Variants in CHRM3 observed in about 807,000 individuals in gnomAD.
CHRM3 encodes cholinergic receptor muscarinic 3, also known as muscarinic acetylcholine receptor M3.
CHRM3 carries 11 observed loss-of-function variants against 41.8 expected under a neutral mutation model. The ratio of observed to expected loss-of-function variants is 0.26; its 90% CI spans 0.17 to 0.44. The LOEUF (loss-of-function observed/expected upper bound fraction) is 0.44. Ranked by LOEUF, CHRM3 falls within the 20% of genes least tolerant of loss-of-function variation. CHRM3 has a pLI of 1.00. For missense variants in CHRM3, 571 were observed against 745.4 expected (o/e 0.77, Z 2.72); for synonymous variants, 297 against 301.4 (o/e 0.99, Z 0.15).
At chr1:239,493,334 G>A (rs562263596) in intron 2 of CHRM3, among the ~76,000 whole-genome samples, 1 of 152,264 alleles carries the variant, frequency 6.6e-6, no homozygotes, top group East Asian at 1.9e-4. Context: ...GAAGAACTGT[G>A]TGTTTTGTTG....
At chr1:239,671,826 C>T (rs1674399861) in intron 4 of CHRM3, among the ~76,000 whole-genome samples, 2 of 152,000 alleles carry the variant, frequency 1.3e-5, no homozygotes, top group African/African-American at 2.4e-5. Context: ...AAACTCAAGT[C>T]AGAATGTATG....
chr1:239,760,221 G>A (rs911122785), intron 5 of CHRM3, among the ~76,000 whole-genome samples: 5 of 151,730 alleles, frequency 3.3e-5, no homozygotes, highest in South Asian at 2.1e-4. Flanking sequence ...CACCGTGCCC[G>A]GCCAATACTT....
Position 239,433,928 on chromosome 1 carries a change from G to A in CHRM3, c.-521+46701G>A, listed in dbSNP as rs1344575857. 7.2e-5 allele frequency among the ~76,000 whole-genome samples: 11 copies of A among 152,246 alleles called. No individual in the cohort carries two copies. In the East Asian group the frequency reaches 2.1e-3, roughly 29 times the overall value. ...GGATTTTGCTGCTATAAACATGCAT[G>A]TCCAGGTATCTTTTTCATATAGTGA... On this transcript the variant is annotated intron_variant, in intron 1 of 6. Transcript: ENST00000676153.
chr1:239,678,367 A>G (rs1279258323), intron 5 of CHRM3, 79 bp downstream of exon 5: 1 of 152,194 alleles, frequency 6.6e-6, no homozygotes, highest in Non-Finnish European at 1.5e-5. Context: ...GTGGATTGCT[A>G]AGAATGGAAT....
At chr1:239,429,833 AG>A (rs1379825916) in intron 1 of CHRM3, among the ~76,000 whole-genome samples, 7 of 149,124 alleles carry the variant, frequency 4.7e-5, no homozygotes, top group African/African-American at 1.7e-4. Context: ...AATTCATTTA[AG>A]TTTTCTTAAA....
chr1:239,615,071 C>T (rs1235411612), intron 3 of CHRM3, among the ~76,000 whole-genome samples: 1 of 151,884 alleles, frequency 6.6e-6, no homozygotes, highest in Non-Finnish European at 1.5e-5. Context: ...GGGCAGATAC[C>T]CTGAAGAAAA....
chr1:239,397,823 C>T (rs1489547314), intron 1 of CHRM3, among the ~76,000 whole-genome samples: 1 of 149,854 alleles, frequency 6.7e-6, no homozygotes, highest in Non-Finnish European at 1.5e-5. Context: ...AATAAAACTA[C>T]AATTTAGGAA....
chr1:239,454,298 C>A (rs555535240), intron 1 of CHRM3, among the ~76,000 whole-genome samples: 2 of 152,072 alleles, frequency 1.3e-5, no homozygotes, highest in Non-Finnish European at 2.9e-5. Flanking sequence ...GCTCATTGGA[C>A]TCCTGGAAGT....
chr1:239,528,275 A>G (rs1007535125), intron 2 of CHRM3, among the ~76,000 whole-genome samples: 5 of 152,194 alleles, frequency 3.3e-5, no homozygotes, highest in Non-Finnish European at 5.9e-5. Flanking sequence ...TGCAGCACCA[A>G]TTCCTGCTGT....
chr1:239,504,248 G>A (rs889768141), intron 2 of CHRM3, among the ~76,000 whole-genome samples: 1 of 152,088 alleles, frequency 6.6e-6, no homozygotes, highest in South Asian at 2.1e-4. Context: ...CATAAAAAAG[G>A]GGGCTGAGGA....
At chr1:239,624,690 AG>A (rs1266179981) in intron 3 of CHRM3, among the ~76,000 whole-genome samples, 1 of 126,578 alleles carries the variant, frequency 7.9e-6, no homozygotes, top group African/African-American at 3.2e-5. Context: ...GGTGTAAGGA[AG>A]GGATCCAGTT....
chr1:239,913,841 C>T lies in CHRM3; in HGVS notation c.*4617C>T, dbSNP rs905829598. On this transcript the variant is annotated 3_prime_UTR_variant, in exon 7 of 7. Coordinates refer to ENST00000676153, the MANE Select transcript of CHRM3 (RefSeq NM_001375978.1). ...TCACGTTCACAGCTTCGCGCAGAGA[C>T]GGATAGTGTATTTGGATATATGGAA... The T allele has an allele frequency of 1.8e-5, 3 of 167,136 alleles. No individual in the cohort carries two copies. Among genetic ancestry groups the T allele is most frequent in the East Asian group, 1.9e-4 (1 of 5,190 alleles). 10.4% of individuals were successfully genotyped at this position (167,136 alleles called of 1,614,324 possible). A position where few individuals can be genotyped will look rare whatever the true frequency, so the allele number is the denominator to read the frequency against.
At chr1:239,591,414 G>C (rs1664136061) in intron 3 of CHRM3, among the ~76,000 whole-genome samples, 1 of 152,044 alleles carries the variant, frequency 6.6e-6, no homozygotes, top group African/African-American at 2.4e-5. Context: ...TCATTGTCTT[G>C]CCTATAGCTG....
intron 6 of CHRM3, among the ~76,000 whole-genome samples, chr1:239,828,578 G>A (rs1432777329): frequency 6.6e-6 from 1 of 152,126 alleles, no homozygotes; most frequent in Non-Finnish European, 1.5e-5. Context: ...GAAGGGACCA[G>A]GTCAATGAAG....
In CHRM3 at chr1:239,908,130, A is replaced by G. The variant is rs1237724077; in HGVS notation, c.679A>G (p.Ser227Gly). 3 of 1,614,036 alleles carry G rather than the reference A, an allele frequency of 1.9e-6. No individual in the cohort carries two copies. Among genetic ancestry groups the G allele is most frequent in the Non-Finnish European group, 2.5e-6 (3 of 1,180,038 alleles). The stretch of plus-strand genomic sequence containing the variant: ...GGGAGAGTGCTTCATTCAGTTCCTC[A>G]GTGAGCCCACCATTACTTTTGGCAC... ...PPGECFIQFL[S>G]EPTITFGTAI... The change falls in exon 7 of 7, where the codon AGT (serine) becomes GGT (glycine). Residue 227 changes from serine to glycine, a missense_variant. Ser to Gly is a moderately conservative substitution (Grantham distance 56). This residue lies in a region of CHRM3 where 153 missense variants were observed against 296.3 expected (regional missense o/e 0.52). Transcript: ENST00000676153. This position sits in a 1 kb window ranked among gnomAD's most constrained non-coding sequence, Gnocchi z 7.2.
intron 1 of CHRM3, among the ~76,000 whole-genome samples, chr1:239,411,031 T>C (rs1354874302): frequency 1.3e-5 from 2 of 152,234 alleles, no homozygotes; most frequent in Non-Finnish European, 2.9e-5. Flanking sequence ...TTCACTCTAT[T>C]TTGTTTTTAA....
Position 239,908,302 on chromosome 1 carries a change from C to T in CHRM3, c.851C>T (p.Thr284Met), listed in dbSNP as rs145759529. Residue 284 changes from threonine (T) to methionine (M), a missense_variant, in exon 7 of 7, where the codon ACG (threonine) becomes ATG (methionine). Thr to Met is a moderately conservative substitution (Grantham distance 81, BLOSUM62 -1). This residue lies in a region of CHRM3 where 153 missense variants were observed against 296.3 expected (regional missense o/e 0.52). Transcript: ENST00000676153. The surrounding 1 kb of genome is among the most constrained non-coding windows in gnomAD (Gnocchi z 7.2). ...EAETENFVHP[T>M]GSSRSCSSYE... ...GAGACAGAAAACTTTGTCCACCCCA[C>T]GGGCAGTTCTCGAAGCTGCAGCAGT... 57 of 1,614,134 alleles carry T rather than the reference C, an allele frequency of 3.5e-5. No homozygotes were observed. Among genetic ancestry groups the T allele is most frequent in the African/African-American group, 2.9e-4 (22 of 75,050 alleles).
chr1:239,910,628 A>G lies in CHRM3; in HGVS notation c.*1404A>G, dbSNP rs1680310476. The G allele has an allele frequency of 6.0e-6, 1 of 166,690 alleles. No individual in the cohort carries two copies. The highest frequency in any genetic ancestry group is 2.1e-4 in the South Asian group (1 of 4,808). The allele number at this position is 166,690 out of a possible 1,614,324, so 10.3% of individuals were successfully genotyped here. On this transcript the variant is annotated 3_prime_UTR_variant, in exon 7 of 7. Coordinates refer to ENST00000676153, the MANE Select transcript of CHRM3 (RefSeq NM_001375978.1). ...TTTTGCATTCTCCCTTGAATTGACC[A>G]AAATGTTAACTGTTTCATTTGGGGA...
intron 3 of CHRM3, among the ~76,000 whole-genome samples, chr1:239,573,131 A>G (rs572992109): frequency 2.6e-5 from 4 of 152,216 alleles, no homozygotes; most frequent in Admixed American, 2.6e-4. Context: ...CATCGCCACG[A>G]GGCTGCCTAG....
Sources: gnomAD v4.1 joint callset for allele counts (sites outside exome capture counted in the v4.1 genomes callset) on GRCh38, gnomAD v4.1.1 for gene constraint, gnomAD v4.1.1 regional missense constraint, Gnocchi (gnomAD v3.1) non-coding constraint, MANE v1.5 for transcripts, NCBI Gene and HGNC (gene_info 2026-07-23, HGNC 2026-07-21) for gene names.